The following CLASP1 variants were observed in gnomAD, a reference collection of about 807,000 sequenced individuals.
CLASP1 encodes CLIP-associating protein 1.
CLASP1 carries 38 observed loss-of-function variants against 192.3 expected under a neutral mutation model. The ratio of observed to expected loss-of-function variants is 0.20; its 90% confidence interval spans 0.15 to 0.26. The LOEUF (loss-of-function observed/expected upper bound fraction) is 0.26. Among genes scored for constraint, CLASP1 ranks in the 10% least tolerant of loss-of-function variants. The pLI, the probability that CLASP1 is intolerant of heterozygous loss-of-function variation, is 1.00. For missense variants in CLASP1, 1,433 were observed against 1,932.5 expected (o/e 0.74, Z 4.85); for synonymous variants, 691 against 712.8 (o/e 0.97, Z 0.49).
chr2:121,368,666 T>C (rs1244160998), intron 34 of CLASP1, among the ~76,000 whole-genome samples: 2 of 152,148 alleles, frequency 1.3e-5, no homozygotes, highest in Non-Finnish European at 2.9e-5. Context: ...ACTGTTTTCC[T>C]CATCCCAAAC....
rs564856638 is a variant in CLASP1, at chr2:121,526,035, C to T, written c.471-115G>A. ...CCCCAATCCCCATCACCACCTCATA[C>T]CAAGTCTCTCTCCATCCCATCCACA... On this transcript the variant is annotated intron_variant, in intron 5 of 39. Coordinates refer to ENST00000263710, the Ensembl canonical transcript of CLASP1. The T allele has an allele frequency of 1.5e-4, 110 of 709,810 alleles. 2 individuals carry two copies. The South Asian group carries it at 1.7e-3, about 11-fold the overall frequency. The allele number at this position is 709,810 out of a possible 1,614,324, so 44.0% of individuals were successfully genotyped here.
intron 2 of CLASP1, among the ~76,000 whole-genome samples, chr2:121,567,769 G>A (rs916556907): frequency 1.3e-5 from 2 of 152,186 alleles, no homozygotes; most frequent in Admixed American, 1.3e-4. Flanking sequence ...ACTAAGCCAT[G>A]AAATCTAAAG....
chr2:121,438,258 A>C (rs1307760696), intron 19 of CLASP1, among the ~76,000 whole-genome samples: 1 of 152,232 alleles, frequency 6.6e-6, no homozygotes, highest in Non-Finnish European at 1.5e-5. Context: ...GAGTCTTCCA[A>C]ACACCACAGG....
rs2087897901 is a variant in CLASP1 at position 121,461,328 on chromosome 2, C to T, written c.940-135G>A. 6.7e-6 allele frequency: 4 copies of T among 595,040 alleles called. No individual in the cohort carries two copies. The South Asian group carries it at 8.9e-5, about 13-fold the overall frequency. 36.9% of individuals were successfully genotyped at this position (595,040 alleles called of 1,614,324 possible). On this transcript the variant is annotated intron_variant, in intron 10 of 39. Coordinates refer to ENST00000263710, the Ensembl canonical transcript of CLASP1. ...TTAAGAAATACCTATGAGAAAATAT[C>T]TGAACAGTTTTGTCTATAATGAGGA...
chr2:121,574,048 C>G (rs2060226351), intron 2 of CLASP1, among the ~76,000 whole-genome samples: 2 of 152,190 alleles, frequency 1.3e-5, no homozygotes, highest in African/African-American at 4.8e-5. Context: ...AATATGGTAA[C>G]TATAGCTATT....
chr2:121,431,248 A>C (rs2081343170), intron 19 of CLASP1, among the ~76,000 whole-genome samples: 1 of 152,218 alleles, frequency 6.6e-6, no homozygotes, highest in South Asian at 2.1e-4. Context: ...GTTAAGAATC[A>C]ATGACTTTTC....
rs573134227 is a variant in CLASP1 at position 121,392,006 on chromosome 2, T to C, written c.3124-4100A>G. 2.0e-5 allele frequency among the ~76,000 whole-genome samples: 3 copies of C among 152,364 alleles called. No individual in the cohort carries two copies. In the South Asian group the frequency reaches 6.2e-4, roughly 32 times the overall value. Reference sequence around the variant, plus strand: ...GCTTTCAGACTAGAGGCATGCTGCCTTTATAATCATATTTTTTTAAAAGTC... The same window carrying C: ...GCTTTCAGACTAGAGGCATGCTGCCCTTATAATCATATTTTTTTAAAAGTC... On this transcript the variant is annotated intron_variant, in intron 30 of 39. Coordinates refer to ENST00000263710, the Ensembl canonical transcript of CLASP1.
At chr2:121,456,325 ACCC>A (rs1190110101) in intron 14 of CLASP1, among the ~76,000 whole-genome samples, 4 of 148,790 alleles carry the variant, frequency 2.7e-5, no homozygotes, top group Non-Finnish European at 1.5e-5. Flanking sequence ...ACATAATGAG[ACCC>A]CCGTCTCTAA....
chr2:121,638,034 A>C (rs1652986808), intron 1 of CLASP1, among the ~76,000 whole-genome samples: 1 of 152,188 alleles, frequency 6.6e-6, no homozygotes, highest in South Asian at 2.1e-4. Context: ...ACCTACCCAG[A>C]GTGAGAAAAT....
At chr2:121,379,215 CAAA>C (rs189429636) in intron 33 of CLASP1, among the ~76,000 whole-genome samples, 1 of 78,122 alleles carries the variant, frequency 1.3e-5, no homozygotes. Flanking sequence ...GGAGAGTTCA[CAAA>C]AAAAAAAAAA....
At chr2:121,470,028 T>G (rs1252509838) in intron 8 of CLASP1, 68 bp from the exon 9 acceptor site, 1 of 1,208,030 alleles carries the variant, frequency 8.3e-7, no homozygotes, top group Non-Finnish European at 1.2e-6. Flanking sequence ...TATATATACT[T>G]TTTCACCTGA....
At chr2:121,460,580 T>C (rs2087713474) in intron 11 of CLASP1, among the ~76,000 whole-genome samples, 1 of 152,168 alleles carries the variant, frequency 6.6e-6, no homozygotes, top group Non-Finnish European at 1.5e-5. Context: ...TGGTCTGAAT[T>C]TGAAATACAA....
intron 33 of CLASP1, among the ~76,000 whole-genome samples, chr2:121,381,243 CA>C (rs762363680): frequency 6.6e-6 from 1 of 151,644 alleles, no homozygotes; most frequent in East Asian, 1.9e-4. Flanking sequence ...TTGTATTCCA[CA>C]AAAGTCAGAA....
chr2:121,367,716 G>C, exon 35 of CLASP1: 1 of 1,614,026 alleles, frequency 6.2e-7, no homozygotes, highest in Non-Finnish European at 8.5e-7. Flanking sequence ...GAAGGCGCGC[G>C]GAGGCTGGGT....
chr2:121,544,980 T>C (rs2095303892), intron 2 of CLASP1, among the ~76,000 whole-genome samples: 1 of 151,500 alleles, frequency 6.6e-6, no homozygotes, highest in South Asian at 2.1e-4. Flanking sequence ...GATGGGATCT[T>C]GGCTCATTGC....
At chr2:121,627,479 C>G (rs1240122180) in intron 1 of CLASP1, among the ~76,000 whole-genome samples, 2 of 152,174 alleles carry the variant, frequency 1.3e-5, no homozygotes, top group African/African-American at 2.4e-5. Flanking sequence ...TATCAAGACG[C>G]TTTCCTGCAA....
At chr2:121,473,617 G>A (rs1400239004) in intron 8 of CLASP1, among the ~76,000 whole-genome samples, 3 of 152,088 alleles carry the variant, frequency 2.0e-5, no homozygotes, top group Non-Finnish European at 4.4e-5. Context: ...TAAACCTACA[G>A]ATCCAAGAAG....
chr2:121,420,602 T>G (rs7597038), intron 22 of CLASP1, among the ~76,000 whole-genome samples: 1 of 152,192 alleles, frequency 6.6e-6, no homozygotes, highest in African/African-American at 2.4e-5. Context: ...TGTGAGATAA[T>G]GCACATACAT....
intron 9 of CLASP1, among the ~76,000 whole-genome samples, chr2:121,462,976 T>C (rs1184619820): frequency 6.6e-6 from 1 of 152,174 alleles, no homozygotes; most frequent in East Asian, 1.9e-4. Flanking sequence ...AAATTGTTAT[T>C]ACTGGGAATC....
Sources: gnomAD v4.1 joint callset for allele counts (sites outside exome capture counted in the v4.1 genomes callset) on GRCh38, gnomAD v4.1.1 for gene constraint, MANE v1.5 for transcripts, NCBI Gene and HGNC (gene_info 2026-07-23, HGNC 2026-07-21) for gene names.